The following PLCH1 variants were observed in gnomAD, a reference collection of about 807,000 sequenced individuals.
PLCH1 encodes 1-phosphatidylinositol 4,5-bisphosphate phosphodiesterase eta-1.
Under a neutral mutation model 126.7 loss-of-function variants are expected in PLCH1, and 60 were observed. That is an observed-to-expected ratio of 0.47 (90% CI 0.38 to 0.59). PLCH1 has a LOEUF of 0.59. Among genes scored for constraint, PLCH1 ranks in the 20% least tolerant of loss-of-function variants. PLCH1 has a pLI of 0.00. For missense variants in PLCH1, 1,723 were observed against 2,040.0 expected (o/e 0.84, Z 2.99); for synonymous variants, 719 against 734.9 (o/e 0.98, Z 0.35).
At chr3:155,515,771 T>C (rs977038151) in intron 11 of PLCH1, among the ~76,000 whole-genome samples, 1 of 149,996 alleles carries the variant, frequency 6.7e-6, no homozygotes, top group Non-Finnish European at 1.5e-5. Context: ...TACCTTTCCA[T>C]AAATTCTTCA....
At chr3:155,721,764 T>C (rs1020817765) in intron 1 of PLCH1, among the ~76,000 whole-genome samples, 3 of 152,266 alleles carry the variant, frequency 2.0e-5, no homozygotes, top group Middle Eastern at 3.4e-3. Flanking sequence ...GTGGTAAAAG[T>C]GGGCCGGGCA....
intron 2 of PLCH1, among the ~76,000 whole-genome samples, chr3:155,609,759 T>C (rs898769378): frequency 2.0e-5 from 3 of 151,500 alleles, no homozygotes; most frequent in Non-Finnish European, 4.4e-5. Context: ...CACCAGAAAG[T>C]TTCAACAATA....
intron 2 of PLCH1, among the ~76,000 whole-genome samples, chr3:155,680,485 G>A (rs1442267665): frequency 6.6e-6 from 1 of 152,162 alleles, no homozygotes; most frequent in African/African-American, 2.4e-5. Context: ...ATAGGGTGCA[G>A]CTTCGCCATT....
intron 5 of PLCH1, among the ~76,000 whole-genome samples, chr3:155,584,288 C>A (rs1731079713): frequency 6.6e-6 from 1 of 152,178 alleles, no homozygotes; most frequent in African/African-American, 2.4e-5. Flanking sequence ...AAATAACAGT[C>A]TCTCATTGGT....
chr3:155,608,156 G>T (rs1734587337), intron 2 of PLCH1, among the ~76,000 whole-genome samples: 1 of 152,170 alleles, frequency 6.6e-6, no homozygotes, highest in Non-Finnish European at 1.5e-5. Context: ...AGCCCTGTAG[G>T]CACTCCCAGT....
intron 2 of PLCH1, among the ~76,000 whole-genome samples, chr3:155,686,938 G>A (rs1307873207): frequency 6.6e-6 from 1 of 152,084 alleles, no homozygotes; most frequent in Non-Finnish European, 1.5e-5. Context: ...CTCTCCTAAA[G>A]GTGAAAGTGT....
At chr3:155,608,958 T>C (rs1290461095) in intron 2 of PLCH1, among the ~76,000 whole-genome samples, 1 of 152,100 alleles carries the variant, frequency 6.6e-6, no homozygotes, top group Non-Finnish European at 1.5e-5. Context: ...TTACAGCAAC[T>C]CAAGACAGAA....
intron 10 of PLCH1, among the ~76,000 whole-genome samples, chr3:155,534,896 G>A (rs897511418): frequency 1.3e-5 from 2 of 152,136 alleles, no homozygotes; most frequent in African/African-American, 4.8e-5. Context: ...TGCCATGATT[G>A]TAAGTTTCAT....
chr3:155,454,216 A>G (rs1294975608), intron 21 of PLCH1, among the ~76,000 whole-genome samples: 1 of 152,170 alleles, frequency 6.6e-6, no homozygotes, highest in Non-Finnish European at 1.5e-5. Flanking sequence ...CCAGCTTTTG[A>G]GAAAAGAAAG....
chr3:155,646,255 T>C (rs1740041581), intron 2 of PLCH1, among the ~76,000 whole-genome samples: 1 of 152,182 alleles, frequency 6.6e-6, no homozygotes, highest in South Asian at 2.1e-4. Context: ...GAAACCCTCT[T>C]GGCTTCAGGC....
chr3:155,675,852 C>A (rs1412550466), intron 2 of PLCH1: 1 of 498,528 alleles, frequency 2.0e-6, no homozygotes, highest in Non-Finnish European at 3.5e-6. Context: ...TACTTTGTTA[C>A]CTCATTTCAT....
intron 1 of PLCH1, among the ~76,000 whole-genome samples, chr3:155,718,999 T>C (rs572075446): frequency 6.6e-6 from 1 of 152,312 alleles, no homozygotes; most frequent in South Asian, 2.1e-4. Context: ...AGTCATATTA[T>C]CCCTAGATGC....
chr3:155,674,043 A>C (rs1282113832), intron 2 of PLCH1, among the ~76,000 whole-genome samples: 2 of 152,196 alleles, frequency 1.3e-5, no homozygotes, highest in Non-Finnish European at 2.9e-5. Flanking sequence ...GTAAGCAAGA[A>C]AGTAGTATTA....
At chr3:155,585,076 T>C (rs1005990386) in intron 5 of PLCH1, among the ~76,000 whole-genome samples, 1 of 152,164 alleles carries the variant, frequency 6.6e-6, no homozygotes, top group African/African-American at 2.4e-5. Flanking sequence ...CAAATCTCAT[T>C]CCTTCCTCCT....
intron 2 of PLCH1, among the ~76,000 whole-genome samples, chr3:155,636,600 T>A (rs1326437852): frequency 9.2e-5 from 14 of 151,744 alleles, no homozygotes; most frequent in Non-Finnish European, 1.8e-4. Flanking sequence ...TACAAAAAAA[T>A]AGCTGGGTGT....
In PLCH1 at chr3:155,595,404, G is replaced by A. The variant is rs1013899895; in HGVS notation, c.226+828C>T. ...CCCCTCACTTCTGCCTTAATGGCAGGGTCCCAATTTTCTTCTGGTATCAAC... is the reference window on the plus strand; with the variant it reads ...CCCCTCACTTCTGCCTTAATGGCAGAGTCCCAATTTTCTTCTGGTATCAAC... On this transcript the variant is annotated intron_variant, in intron 3 of 22. Transcript: ENST00000460012. Among the ~76,000 whole-genome samples the A allele has an allele frequency of 8.5e-5, 13 of 152,190 alleles. 1 individual carries two copies. In the South Asian group the frequency reaches 2.5e-3, roughly 29 times the overall value.
chr3:155,526,489 TACACACACACACACACAC>T (rs35144196), intron 10 of PLCH1, among the ~76,000 whole-genome samples: 18 of 126,666 alleles, frequency 1.4e-4, no homozygotes, highest in African/African-American at 4.8e-4. Flanking sequence ...CTCTCTCTCA[TACACACACACACACACAC>T]ACACACACAC....
intron 2 of PLCH1, among the ~76,000 whole-genome samples, chr3:155,599,154 T>C (rs935096304): frequency 2.6e-5 from 4 of 151,940 alleles, no homozygotes; most frequent in African/African-American, 7.3e-5. Flanking sequence ...GAGTAATAAA[T>C]GTCTGTTGTT....
Position 155,488,869 on chromosome 3 carries a change from G to C in PLCH1, c.2393-63C>G, listed in dbSNP as rs55791635. 4,613 of 1,403,752 alleles carry C rather than the reference G, an allele frequency of 3.3e-3. 111 individuals carry two copies. The African/African-American group carries it at 0.057, about 17-fold the overall frequency. The allele number at this position is 1,403,752 out of a possible 1,614,324, so 87.0% of individuals were successfully genotyped here. The stretch of plus-strand genomic sequence containing the variant: ...GGACTTGGCTGAAAATGAGTTGGCA[G>C]CAACATCTGCAAAGCAGACGGTGAA... On this transcript the variant is annotated intron_variant, in intron 19 of 22. Transcript: ENST00000460012.
Sources: allele counts gnomAD v4.1 joint callset (sites outside exome capture counted in the v4.1 genomes callset), GRCh38; gene constraint gnomAD v4.1.1; transcripts MANE v1.5; gene names NCBI Gene and HGNC (gene_info 2026-07-23, HGNC 2026-07-21).